The following NT5M variants were observed in gnomAD, a reference collection of about 807,000 sequenced individuals.
The protein encoded by NT5M is 5',3'-nucleotidase, mitochondrial.
NT5M carries 22 observed loss-of-function variants against 22.2 expected under a neutral mutation model. The observed-to-expected ratio is 0.99, with a 90% CI of 0.71 to 1.41. The LOEUF (loss-of-function observed/expected upper bound fraction) is 1.41, where lower values mean the gene tolerates loss of function less well. Ranked by LOEUF, NT5M falls within the 40% of genes most tolerant of loss-of-function variation. NT5M has a pLI of 0.00. For synonymous variants in NT5M, 167 were observed against 133.0 expected, an observed-to-expected ratio of 1.26 and a Z score of -1.76; for missense variants, 322 against 314.8, an observed-to-expected ratio of 1.02 and a Z score of -0.17.
chr17:17,304,848 C>T (rs1195934960), intron 1 of NT5M, among the ~76,000 whole-genome samples: 1 of 152,096 alleles, frequency 6.6e-6, no homozygotes, highest in African/African-American at 2.4e-5. Context: ...TTTCTTCTGA[C>T]ATCAGAAAGA....
At position 17,324,101 on chromosome 17, in the gene NT5M, C is replaced by T. The variant is rs574294580; in HGVS notation, c.429+856C>T. 2.6e-5 allele frequency among the ~76,000 whole-genome samples: 4 copies of T among 151,812 alleles called. No homozygotes were observed. The South Asian group carries it at 8.3e-4, about 32-fold the overall frequency. On this transcript the variant is annotated intron_variant, in intron 3 of 4. Coordinates refer to ENST00000389022, the MANE Select transcript of NT5M (RefSeq NM_020201.4). The stretch of plus-strand genomic sequence containing the variant: ...TGTTGGCCAGGCTGGTCTCGAACTC[C>T]TGAGCTCAGGTGATGTGCCTGCCTC...
intron 2 of NT5M, among the ~76,000 whole-genome samples, chr17:17,307,670 G>A (rs1442618649): frequency 1.3e-5 from 2 of 151,726 alleles, no homozygotes; most frequent in Non-Finnish European, 2.9e-5. Flanking sequence ...AGCCTGCGTA[G>A]CATGGTGAAA....
At chr17:17,318,548 G>A (rs922951438) in intron 2 of NT5M, among the ~76,000 whole-genome samples, 1 of 149,638 alleles carries the variant, frequency 6.7e-6, no homozygotes, top group Admixed American at 6.7e-5. Flanking sequence ...CACTTTGGGA[G>A]GCTGAGGCGG....
chr17:17,315,976 C>A (rs1408647182), intron 2 of NT5M, among the ~76,000 whole-genome samples: 1 of 151,276 alleles, frequency 6.6e-6, no homozygotes, highest in African/African-American at 2.4e-5. Context: ...AGAATGGTCT[C>A]GATCTCCTGA....
chr17:17,326,577 A>G (rs1344326989), intron 3 of NT5M, among the ~76,000 whole-genome samples: 1 of 152,216 alleles, frequency 6.6e-6, no homozygotes, highest in Non-Finnish European at 1.5e-5. Context: ...CCGTCTCTCC[A>G]GCAAACAGCC....
intron 3 of NT5M, among the ~76,000 whole-genome samples, chr17:17,325,495 T>C (rs7220829): frequency 0.85 from 128,440 of 151,976 alleles, 54,323 homozygotes; most frequent in East Asian, 1. Context: ...TTCGAAAACG[T>C]GCCTGGCACC....
chr17:17,313,428 G>A (rs1422394159), intron 2 of NT5M, among the ~76,000 whole-genome samples: 1 of 152,112 alleles, frequency 6.6e-6, no homozygotes, highest in Non-Finnish European at 1.5e-5. Context: ...CTCTTAAATT[G>A]GTAGAAGATT....
rs1041621356 is a variant in NT5M, at chr17:17,334,600, C to T, written c.430-10194C>T. Among the ~76,000 whole-genome samples the T allele has an allele frequency of 4.0e-5, 6 of 151,534 alleles. No homozygotes were observed. In the South Asian group the frequency reaches 6.3e-4, roughly 16 times the overall value. On this transcript the variant is annotated intron_variant, in intron 3 of 4. Coordinates refer to ENST00000389022, the MANE Select transcript of NT5M (RefSeq NM_020201.4). Reference sequence around the variant, plus strand: ...AAGTGATTCTCGTGCCTCAGCCTCCCGAGTAGCTGGGATTACAGGCACGCG... The same window carrying T: ...AAGTGATTCTCGTGCCTCAGCCTCCTGAGTAGCTGGGATTACAGGCACGCG...
chr17:17,335,334 T>G (rs1265469436), intron 3 of NT5M, among the ~76,000 whole-genome samples: 2 of 152,038 alleles, frequency 1.3e-5, no homozygotes. Context: ...CTCGGCTCAC[T>G]GCAAGCTCCG....
At chr17:17,342,892 C>T (rs1468804921) in intron 3 of NT5M, among the ~76,000 whole-genome samples, 1 of 152,242 alleles carries the variant, frequency 6.6e-6, no homozygotes, top group Non-Finnish European at 1.5e-5. Context: ...ACCATCGTCT[C>T]TCTGGTTCCT....
At chr17:17,313,674 A>G (rs572682233) in intron 2 of NT5M, among the ~76,000 whole-genome samples, 1 of 150,894 alleles carries the variant, frequency 6.6e-6, no homozygotes, top group South Asian at 2.1e-4. Context: ...CTTACCTTCA[A>G]AGAGTTCCCT....
At chr17:17,329,102 C>T (rs377206632) in intron 3 of NT5M, among the ~76,000 whole-genome samples, 131 of 152,264 alleles carry the variant, frequency 8.6e-4, no homozygotes, top group Non-Finnish European at 1.2e-3. Context: ...CTCAGCCTCC[C>T]GAGTAGCTGG....
chr17:17,303,417 C>A lies in NT5M; in HGVS notation c.-134C>A, dbSNP rs934478876. The A allele has an allele frequency of 1.0e-6, 1 of 978,670 alleles. No homozygotes were observed. The highest frequency in any genetic ancestry group is 1.2e-6 in the Non-Finnish European group (1 of 821,658). 60.6% of individuals were successfully genotyped at this position (978,670 alleles called of 1,614,324 possible). On this transcript the variant is annotated 5_prime_UTR_variant, in exon 1 of 5. Transcript: ENST00000389022. ...CGCGCCCGCACCCCGCGCTCCCCGC[C>A]CCGCTCCCCGTCCCGCGCTCCACGC... is the stretch of plus-strand genomic sequence containing the variant.
At chr17:17,319,385 C>G (rs776019773) in intron 2 of NT5M, among the ~76,000 whole-genome samples, 43 of 151,926 alleles carry the variant, frequency 2.8e-4, no homozygotes, top group Non-Finnish European at 4.6e-4. Context: ...GCTGTAAAAC[C>G]CTGTAAATAT....
chr17:17,336,797 C>A (rs1317828160), intron 3 of NT5M, among the ~76,000 whole-genome samples: 2 of 152,150 alleles, frequency 1.3e-5, no homozygotes, highest in African/African-American at 2.4e-5. Flanking sequence ...GATCCACCCT[C>A]CTCGGCCTTC....
At chr17:17,323,961 C>A (rs748585304) in intron 3 of NT5M, among the ~76,000 whole-genome samples, 10 of 152,146 alleles carry the variant, frequency 6.6e-5, no homozygotes, top group Admixed American at 2.0e-4. Flanking sequence ...CTGCCAAGAT[C>A]ACTGGGTTCA....
intron 3 of NT5M, among the ~76,000 whole-genome samples, chr17:17,330,031 T>A (rs1420024369): frequency 6.6e-6 from 1 of 152,070 alleles, no homozygotes; most frequent in African/African-American, 2.4e-5. Context: ...CTGGGCGTGG[T>A]GGCTCACGCC....
At chr17:17,337,756 A>AT (rs1196386055) in intron 3 of NT5M, among the ~76,000 whole-genome samples, 3 of 151,948 alleles carry the variant, frequency 2.0e-5, no homozygotes, top group African/African-American at 7.3e-5. Flanking sequence ...AGATTATTAG[A>AT]TTTTTTTCTA....
chr17:17,343,739 G>A (rs1262685696), intron 3 of NT5M, among the ~76,000 whole-genome samples: 1 of 152,184 alleles, frequency 6.6e-6, no homozygotes, highest in Non-Finnish European at 1.5e-5. Context: ...GGGAAAAAGT[G>A]CATCCAGTCC....
Sources: allele counts gnomAD v4.1 joint callset (sites outside exome capture counted in the v4.1 genomes callset), GRCh38; gene constraint gnomAD v4.1.1; transcripts MANE v1.5; gene names NCBI Gene and HGNC (gene_info 2026-07-23, HGNC 2026-07-21).